Variants in TUBGCP3 observed in about 807,000 individuals in gnomAD.
TUBGCP3 encodes the protein gamma-tubulin complex component 3.
Under a neutral mutation model 123.1 loss-of-function variants are expected in TUBGCP3, and 50 were observed. The observed-to-expected ratio is 0.41, with a 90% confidence interval of 0.32 to 0.51. TUBGCP3 has a LOEUF of 0.51. TUBGCP3 is among the 20% of genes least tolerant of loss of function. The probability of loss-of-function intolerance (pLI) is 0.36; values close to 1 mark genes in which losing one functional copy is unlikely to be tolerated. For synonymous variants in TUBGCP3, 405 were observed against 413.9 expected, an observed-to-expected ratio of 0.98 and a Z score of 0.26; for missense variants, 882 against 1,127.0, an observed-to-expected ratio of 0.78 and a Z score of 3.11.
At chr13:112,544,730 C>A (rs1389577780) in intron 11 of TUBGCP3, 2 of 152,382 alleles carry the variant, frequency 1.3e-5, no homozygotes, top group East Asian at 1.9e-4. Context: ...ACAGGCTAAG[C>A]AACTCGCCCA....
chr13:112,578,324 C>T (rs927692055), intron 1 of TUBGCP3, among the ~76,000 whole-genome samples: 2 of 151,656 alleles, frequency 1.3e-5, no homozygotes, highest in African/African-American at 4.8e-5. Flanking sequence ...CTTTGGGAGG[C>T]CGAGGCGGGC....
rs141352499 is a variant in TUBGCP3, at chr13:112,509,960, G to A, written c.2087-5246C>T. ...CCAGCACTCTGAAAATATATTTTAG[G>A]CACATGTTTTAAATGTGTTTTTATG... On this transcript the variant is annotated intron_variant, in intron 17 of 21. Coordinates refer to ENST00000261965, the MANE Select transcript of TUBGCP3 (RefSeq NM_006322.6). Among the ~76,000 whole-genome samples the A allele has an allele frequency of 3.0e-4, 45 of 152,256 alleles. 1 individual carries two copies. The highest frequency in any genetic ancestry group is 6.8e-3 in the Middle Eastern group (2 of 294).
chr13:112,536,818 C>T, intron 11 of TUBGCP3, among the ~76,000 whole-genome samples: 1 of 151,896 alleles, frequency 6.6e-6, no homozygotes, highest in South Asian at 2.1e-4. Context: ...ACTCTGTCAC[C>T]CAGAGTGCAG....
intron 1 of TUBGCP3, among the ~76,000 whole-genome samples, chr13:112,581,330 T>G (rs1039888702): frequency 2.3e-5 from 3 of 130,270 alleles, no homozygotes; most frequent in Non-Finnish European, 4.9e-5. Context: ...AGGGTCGGGG[T>G]AGTTTTTTTC....
the TUBGCP3 span, among the ~76,000 whole-genome samples, chr13:112,596,949 C>T: frequency 1.3e-5 from 2 of 152,070 alleles, no homozygotes; most frequent in Admixed American, 6.5e-5. Flanking sequence ...TGGAACATAA[C>T]GCAGTGAAAA....
the TUBGCP3 span, among the ~76,000 whole-genome samples, chr13:112,600,183 TGTGA>T: frequency 1.3e-5 from 2 of 152,136 alleles, no homozygotes; most frequent in Non-Finnish European, 2.9e-5. Flanking sequence ...TCCGTCTCTG[TGTGA>T]GTCTGTTTCT....
At chr13:112,566,354 G>A (rs974443555) in intron 2 of TUBGCP3, among the ~76,000 whole-genome samples, 3 of 152,152 alleles carry the variant, frequency 2.0e-5, no homozygotes, top group Non-Finnish European at 4.4e-5. Context: ...TTAGTAGTAT[G>A]ACTTTATAAA....
At chr13:112,512,427 C>CAAAA (rs35550857) in intron 17 of TUBGCP3, among the ~76,000 whole-genome samples, 4 of 39,456 alleles carry the variant, frequency 1.0e-4, no homozygotes, top group Non-Finnish European at 1.5e-4. Context: ...GACTCTGTCT[C>CAAAA]AAAAAAAAAA....
intron 20 of TUBGCP3, 25 bp from the exon 21 acceptor site, chr13:112,489,722 T>C: frequency 6.3e-7 from 1 of 1,579,158 alleles, no homozygotes; most frequent in Non-Finnish European, 8.7e-7. Flanking sequence ...GTACCAAATG[T>C]CAGTAAAATC....
intron 1 of TUBGCP3, among the ~76,000 whole-genome samples, chr13:112,580,465 A>C (rs1176453995): frequency 1.3e-5 from 2 of 149,744 alleles, no homozygotes; most frequent in Non-Finnish European, 3.0e-5. Context: ...GATCCTTCTC[A>C]AAAAAAAAAT....
chr13:112,548,887 G>A (rs1190668021), intron 8 of TUBGCP3, among the ~76,000 whole-genome samples: 1 of 152,152 alleles, frequency 6.6e-6, no homozygotes, highest in Non-Finnish European at 1.5e-5. Context: ...ACTGTTGGTG[G>A]GACTGTAAAC....
At chr13:112,538,244 AT>A (rs1200704170) in intron 11 of TUBGCP3, among the ~76,000 whole-genome samples, 1 of 152,224 alleles carries the variant, frequency 6.6e-6, no homozygotes, top group African/African-American at 2.4e-5. Context: ...TCATTGCAGT[AT>A]TTCTGATATC....
intron 10 of TUBGCP3, chr13:112,547,095 C>T (rs1478819043): frequency 4.4e-6 from 1 of 226,118 alleles, no homozygotes; most frequent in Non-Finnish European, 8.5e-6. Context: ...AATACAGAAC[C>T]TAGAGCCAGA....
chr13:112,550,850 T>A (rs568059247), intron 8 of TUBGCP3, among the ~76,000 whole-genome samples: 1 of 152,132 alleles, frequency 6.6e-6, no homozygotes, highest in Non-Finnish European at 1.5e-5. Flanking sequence ...TGTAATCTCA[T>A]CACTTTGGGA....
rs530478867 is a variant in TUBGCP3, at chr13:112,506,301, C to T, written c.2087-1587G>A. Among the ~76,000 whole-genome samples, 46 of 152,310 alleles carry T rather than the reference C, an allele frequency of 3.0e-4. No individual in the cohort carries two copies. In the South Asian group the frequency reaches 7.5e-3, roughly 25 times the overall value. ...CATCCATGCACCGCCCAGCGACTCG[C>T]AAGGGAGCACACCCACTCAAGGGCT... On this transcript the variant is annotated intron_variant, in intron 17 of 21. Transcript: ENST00000261965.
rs950801110 is a variant in TUBGCP3, at chr13:112,503,134, C to T, written c.2307+898G>A. ...GGCAGCCCCTGCCAGTCGGAAACAT[C>T]CGTGAAGTCTCGGAGTTCAGGTGAA... On this transcript the variant is annotated intron_variant, in intron 19 of 21. Transcript: ENST00000261965. Among the ~76,000 whole-genome samples the T allele has an allele frequency of 2.0e-5, 3 of 152,278 alleles. No homozygotes were observed. In the South Asian group the frequency reaches 6.2e-4, roughly 32 times the overall value.
At chr13:112,540,700 T>C (rs58753221) in intron 11 of TUBGCP3, among the ~76,000 whole-genome samples, 2 of 147,882 alleles carry the variant, frequency 1.4e-5, no homozygotes, top group African/African-American at 5.1e-5. Flanking sequence ...CTGGGAATGA[T>C]GACATCAATG....
At chr13:112,507,388 C>A (rs1881375634) in intron 17 of TUBGCP3, among the ~76,000 whole-genome samples, 1 of 152,204 alleles carries the variant, frequency 6.6e-6, no homozygotes, top group Non-Finnish European at 1.5e-5. Context: ...TTCATCCTGA[C>A]CTCCTTCAGA....
chr13:112,512,293 G>A (rs1881720720), intron 17 of TUBGCP3, among the ~76,000 whole-genome samples: 2 of 151,900 alleles, frequency 1.3e-5, no homozygotes, highest in Admixed American at 1.3e-4. Context: ...GCTGGGCATG[G>A]TGTACATGCC....
Sources: allele counts gnomAD v4.1 joint callset (sites outside exome capture counted in the v4.1 genomes callset), GRCh38; gene constraint gnomAD v4.1.1; transcripts MANE v1.5; gene names NCBI Gene and HGNC (gene_info 2026-07-23, HGNC 2026-07-21).